The following CADPS2 variants were observed in gnomAD, a reference collection of about 807,000 sequenced individuals.
CADPS2 encodes the protein calcium dependent secretion activator 2, also known as calcium-dependent secretion activator 2.
Under a neutral mutation model 172.5 loss-of-function variants are expected in CADPS2, and 93 were observed. That is an observed-to-expected ratio of 0.54 (90% confidence interval 0.46 to 0.64). CADPS2 has a LOEUF of 0.64. Ranked by LOEUF, CADPS2 falls within the 30% of genes least tolerant of loss-of-function variation. The pLI is 0.00. For missense variants in CADPS2, 1,420 were observed against 1,565.9 expected (o/e 0.91, Z 1.57); for synonymous variants, 546 against 555.2 (o/e 0.98, Z 0.23).
rs577651344 is a variant in CADPS2 at position 122,553,914 on chromosome 7, C to T, written c.1475+636G>A. On this transcript the variant is annotated intron_variant, in intron 8 of 29. Coordinates refer to ENST00000449022, the MANE Select transcript of CADPS2 (RefSeq NM_017954.11). ...AGGAAGTCCTGGATTTTTGGCAATTCATTTTATTCAAGAGTTCAGACCTGT... is the reference window on the plus strand; with the variant it reads ...AGGAAGTCCTGGATTTTTGGCAATTTATTTTATTCAAGAGTTCAGACCTGT... Among the ~76,000 whole-genome samples the T allele has an allele frequency of 6.6e-5, 10 of 152,184 alleles. No individual in the cohort carries two copies. The South Asian group carries it at 8.3e-4, about 13-fold the overall frequency.
chr7:122,578,110 G>A (rs900940279), intron 7 of CADPS2, among the ~76,000 whole-genome samples: 2 of 149,642 alleles, frequency 1.3e-5, no homozygotes, highest in African/African-American at 4.9e-5. Flanking sequence ...ATACACAAAA[G>A]TATATATATT....
intron 11 of CADPS2, among the ~76,000 whole-genome samples, chr7:122,481,162 CTTTTTTT>C (rs35352953): frequency 5.6e-5 from 6 of 107,542 alleles, no homozygotes; most frequent in East Asian, 2.6e-4. Flanking sequence ...TTTCTTCATT[CTTTTTTT>C]TTTTTTTTTT....
intron 20 of CADPS2, among the ~76,000 whole-genome samples, chr7:122,395,781 C>T (rs1019636154): frequency 6.6e-6 from 1 of 151,906 alleles, no homozygotes; most frequent in Non-Finnish European, 1.5e-5. Context: ...TTAATCATCA[C>T]AGAAACTCTA....
chr7:122,734,997 T>C (rs1209024133), intron 2 of CADPS2, among the ~76,000 whole-genome samples: 5 of 152,204 alleles, frequency 3.3e-5, no homozygotes, highest in Admixed American at 6.6e-5. Context: ...CAGGTAGTCA[T>C]TTAATTCCAC....
chr7:122,691,247 TACTA>T (rs2084319537), intron 2 of CADPS2, among the ~76,000 whole-genome samples: 1 of 152,162 alleles, frequency 6.6e-6, no homozygotes, highest in Non-Finnish European at 1.5e-5. Context: ...CATATGTAGT[TACTA>T]ACTGCTTTCC....
chr7:122,734,383 A>G (rs894198450), intron 2 of CADPS2, among the ~76,000 whole-genome samples: 1 of 92,538 alleles, frequency 1.1e-5, no homozygotes, highest in Non-Finnish European at 2.5e-5. Context: ...AAAAAAAAAA[A>G]AAAGAAAAAA....
At chr7:122,804,866 C>A (rs192389823) in intron 1 of CADPS2, among the ~76,000 whole-genome samples, 1 of 152,118 alleles carries the variant, frequency 6.6e-6, no homozygotes, top group African/African-American at 2.4e-5. Flanking sequence ...ATTTCTAATA[C>A]CATATACTTA....
chr7:122,381,143 C>G (rs1014753282), intron 24 of CADPS2, among the ~76,000 whole-genome samples: 1 of 151,940 alleles, frequency 6.6e-6, no homozygotes, highest in Non-Finnish European at 1.5e-5. Context: ...ACAAAAAAGG[C>G]CCCCCAGCTC....
At chr7:122,734,034 G>C (rs2091912764) in intron 2 of CADPS2, among the ~76,000 whole-genome samples, 1 of 151,856 alleles carries the variant, frequency 6.6e-6, no homozygotes, top group African/African-American at 2.4e-5. Context: ...TTCAGATGTT[G>C]AAGCCCCATT....
intron 15 of CADPS2, among the ~76,000 whole-genome samples, chr7:122,442,564 A>C (rs1167048490): frequency 6.6e-6 from 1 of 152,326 alleles, no homozygotes; most frequent in Middle Eastern, 3.4e-3. Flanking sequence ...ATATAATAAA[A>C]TTATATTTCT....
At chr7:122,636,496 C>T (rs1416927154) in intron 3 of CADPS2, among the ~76,000 whole-genome samples, 2 of 133,094 alleles carry the variant, frequency 1.5e-5, no homozygotes, top group African/African-American at 2.8e-5. Flanking sequence ...GATGGAGTCT[C>T]ACTCTGTTGC....
At chr7:122,830,346 T>A (rs59830160) in intron 1 of CADPS2, among the ~76,000 whole-genome samples, 2,347 of 152,104 alleles carry the variant, frequency 0.015, 58 homozygotes, top group African/African-American at 0.053. Context: ...TCATTGACAC[T>A]GCAACAAATA....
At chr7:122,563,010 C>G (rs527535425) in intron 7 of CADPS2, among the ~76,000 whole-genome samples, 1 of 152,226 alleles carries the variant, frequency 6.6e-6, no homozygotes, top group South Asian at 2.1e-4. Context: ...TCTGCTATTT[C>G]AAAGCCTTTC....
intron 8 of CADPS2, among the ~76,000 whole-genome samples, chr7:122,529,826 A>G (rs753229503): frequency 1.4e-4 from 21 of 152,150 alleles, no homozygotes; most frequent in Non-Finnish European, 2.8e-4. Flanking sequence ...TGGCACATTT[A>G]TATCTGCTTT....
intron 1 of CADPS2, among the ~76,000 whole-genome samples, chr7:122,804,257 C>T (rs1312793775): frequency 2.6e-5 from 4 of 152,102 alleles, no homozygotes; most frequent in African/African-American, 9.7e-5. Flanking sequence ...CATTTTAAAC[C>T]AACTTCTTAT....
chr7:122,715,396 G>A (rs2089445193), intron 2 of CADPS2, among the ~76,000 whole-genome samples: 2 of 152,084 alleles, frequency 1.3e-5, no homozygotes, highest in African/African-American at 4.8e-5. Flanking sequence ...TGGCAAAGTG[G>A]TGACTTGAGC....
chr7:122,788,165 TTC>T (rs1794482002), intron 1 of CADPS2, among the ~76,000 whole-genome samples: 1 of 152,194 alleles, frequency 6.6e-6, no homozygotes, highest in Non-Finnish European at 1.5e-5. Context: ...TTCAAGGACA[TTC>T]TGCTACTATA....
intron 17 of CADPS2, chr7:122,426,130 A>G (rs2049147721): frequency 6.6e-6 from 1 of 152,258 alleles, no homozygotes; most frequent in African/African-American, 2.4e-5. Flanking sequence ...GGAGACAGTA[A>G]CCACAATATG....
chr7:122,671,630 G>C (rs926817560), intron 2 of CADPS2, among the ~76,000 whole-genome samples: 1 of 150,356 alleles, frequency 6.7e-6, no homozygotes, highest in Non-Finnish European at 1.5e-5. Flanking sequence ...AATGAGCCTC[G>C]TCTTGTGAGA....
Sources: gnomAD v4.1 joint callset for allele counts (sites outside exome capture counted in the v4.1 genomes callset) on GRCh38, gnomAD v4.1.1 for gene constraint, MANE v1.5 for transcripts, NCBI Gene and HGNC (gene_info 2026-07-23, HGNC 2026-07-21) for gene names.